MIPOL1: variants seen among roughly 807,000 people sequenced by gnomAD.
MIPOL1 encodes mirror-image polydactyly 1, also known as mirror-image polydactyly gene 1 protein.
Under a neutral mutation model 60.9 loss-of-function variants are expected in MIPOL1, and 57 were observed. That is an observed-to-expected ratio of 0.94 (90% CI 0.76 to 1.17). MIPOL1 has a LOEUF of 1.17. Among genes scored for constraint, MIPOL1 ranks in the 50% most tolerant of loss-of-function variants. MIPOL1 has a pLI of 0.00. For synonymous variants in MIPOL1, 179 were observed against 168.8 expected (o/e 1.06, Z -0.47); for missense variants, 551 against 511.6 (o/e 1.08, Z -0.74).
At chr14:37,216,378 A>G (rs930437776) in intron 1 of MIPOL1, among the ~76,000 whole-genome samples, 4 of 152,158 alleles carry the variant, frequency 2.6e-5, no homozygotes, top group Admixed American at 2.0e-4. Context: ...CATATTTTCC[A>G]GACAGAAAAT....
intron 1 of MIPOL1, among the ~76,000 whole-genome samples, chr14:37,216,299 T>G (rs960908331): frequency 6.6e-6 from 1 of 152,012 alleles, no homozygotes; most frequent in Non-Finnish European, 1.5e-5. Flanking sequence ...ATATTAGAGA[T>G]AAAGAGAGAG....
At position 37,287,925 on chromosome 14, in the gene MIPOL1, G is replaced by A. The variant is rs1055205844; in HGVS notation, c.623+2478G>A. 5.3e-5 allele frequency among the ~76,000 whole-genome samples: 8 copies of A among 151,928 alleles called. 1 individual carries two copies. The highest frequency in any genetic ancestry group is 8.8e-5 in the Non-Finnish European group (6 of 68,006). ...ATTACAGGTGTGAGCCACCAGGCCT[G>A]GTCAGAATTTTCTCGTAAATTGTTT... On this transcript the variant is annotated intron_variant, in intron 7 of 12. Coordinates refer to ENST00000684589, the MANE Select transcript of MIPOL1 (RefSeq NM_001388067.1).
intron 11 of MIPOL1, among the ~76,000 whole-genome samples, chr14:37,432,696 TA>T (rs879434284): frequency 1.6e-3 from 233 of 149,438 alleles, no homozygotes; most frequent in African/African-American, 5.0e-3. Context: ...AATTTAGAAT[TA>T]AAAAAAAAAC....
At chr14:37,391,645 C>CA (rs1273022953) in intron 10 of MIPOL1, among the ~76,000 whole-genome samples, 51 of 152,126 alleles carry the variant, frequency 3.4e-4, no homozygotes, top group Non-Finnish European at 6.6e-4. Context: ...CCACCTGCCT[C>CA]AGCCTCCCAA....
intron 6 of MIPOL1, among the ~76,000 whole-genome samples, 170 bp downstream of exon 6, chr14:37,270,695 G>A (rs764550707): frequency 5.6e-5 from 8 of 143,094 alleles, no homozygotes; most frequent in Admixed American, 2.9e-4. Context: ...TAACATCCTG[G>A]TACTGGTATT....
At position 37,497,627 on chromosome 14, in the gene MIPOL1, G is replaced by T. The variant is rs553150019; in HGVS notation, c.1032-2281G>T. ...AGGCTGAGGCAGGAGGACTGTTTGA[G>T]CCCAGGAGTTCAAGGTCAGCCTGGA... On this transcript the variant is annotated intron_variant, in intron 11 of 12. Coordinates refer to ENST00000684589, the MANE Select transcript of MIPOL1 (RefSeq NM_001388067.1). Among the ~76,000 whole-genome samples, 93 of 152,280 alleles carry T rather than the reference G, an allele frequency of 6.1e-4. No individual in the cohort carries two copies. In the Middle Eastern group the frequency reaches 0.031, roughly 50 times the overall value.
At chr14:37,361,659 G>T (rs1325414301) in intron 9 of MIPOL1, among the ~76,000 whole-genome samples, 2 of 127,304 alleles carry the variant, frequency 1.6e-5, no homozygotes, top group Non-Finnish European at 3.1e-5. Context: ...AGTCTGAAGG[G>T]CAGTGGCTCG....
chr14:37,292,124 G>A (rs531335730), intron 7 of MIPOL1, among the ~76,000 whole-genome samples: 7 of 151,286 alleles, frequency 4.6e-5, no homozygotes, highest in Admixed American at 1.3e-4. Flanking sequence ...ACGGGGTTTC[G>A]CTGTATTAGC....
intron 7 of MIPOL1, among the ~76,000 whole-genome samples, chr14:37,307,380 A>C (rs919123318): frequency 6.6e-6 from 1 of 151,944 alleles, no homozygotes; most frequent in Non-Finnish European, 1.5e-5. Flanking sequence ...GCATTTCTTT[A>C]ATTTCTCAAC....
chr14:37,270,067 G>C (rs1408491764), intron 5 of MIPOL1, among the ~76,000 whole-genome samples: 1 of 152,062 alleles, frequency 6.6e-6, no homozygotes, highest in Admixed American at 6.6e-5. Context: ...GACCTCAGGT[G>C]ATCTGCCCAC....
At chr14:37,277,352 TAAAA>T (rs1039273620) in intron 6 of MIPOL1, 1 of 151,206 alleles carries the variant, frequency 6.6e-6, no homozygotes, top group Admixed American at 6.6e-5. Context: ...GTTTAGTAAA[TAAAA>T]ATTTTTTAAG....
At chr14:37,297,942 C>G (rs556355563) in intron 7 of MIPOL1, among the ~76,000 whole-genome samples, 1 of 151,956 alleles carries the variant, frequency 6.6e-6, no homozygotes, top group Non-Finnish European at 1.5e-5. Flanking sequence ...CTTCACAGAA[C>G]TGGAAAAAAC....
intron 1 of MIPOL1, among the ~76,000 whole-genome samples, chr14:37,202,950 T>C (rs1439461438): frequency 1.3e-5 from 2 of 152,214 alleles, no homozygotes; most frequent in African/African-American, 4.8e-5. Context: ...TTATAATTTA[T>C]TTCCAGCAAA....
intron 3 of MIPOL1, among the ~76,000 whole-genome samples, chr14:37,250,921 TGATAA>T (rs1973982661): frequency 6.6e-6 from 1 of 152,160 alleles, no homozygotes; most frequent in Non-Finnish European, 1.5e-5. Context: ...GTCAAAGAGT[TGATAA>T]GATTGATAAT....
chr14:37,203,854 C>A (rs550364113), intron 1 of MIPOL1, among the ~76,000 whole-genome samples: 2 of 152,286 alleles, frequency 1.3e-5, no homozygotes. Flanking sequence ...GCGATCTTGG[C>A]TCACTGCAAC....
chr14:37,395,864 G>T (rs1595576964), intron 10 of MIPOL1, among the ~76,000 whole-genome samples: 1 of 152,260 alleles, frequency 6.6e-6, no homozygotes, highest in African/African-American at 2.4e-5. Context: ...TCATTAGCAT[G>T]AAATGCCTTT....
chr14:37,459,180 A>G (rs1418795019), intron 11 of MIPOL1, among the ~76,000 whole-genome samples: 2 of 152,166 alleles, frequency 1.3e-5, no homozygotes, highest in African/African-American at 2.4e-5. Context: ...GAGCAGAACT[A>G]AATGACACTG....
At chr14:37,332,975 T>G (rs1641619068) in intron 9 of MIPOL1, among the ~76,000 whole-genome samples, 1 of 152,202 alleles carries the variant, frequency 6.6e-6, no homozygotes, top group African/African-American at 2.4e-5. Context: ...ATACTTGCAA[T>G]ACTTTAGCTC....
At chr14:37,375,635 C>G (rs2092756037) in intron 10 of MIPOL1, among the ~76,000 whole-genome samples, 1 of 152,078 alleles carries the variant, frequency 6.6e-6, no homozygotes. Flanking sequence ...TATGTATTAT[C>G]TTTACATCCC....
Sources: gnomAD v4.1 joint callset for allele counts (sites outside exome capture counted in the v4.1 genomes callset) on GRCh38, gnomAD v4.1.1 for gene constraint, MANE v1.5 for transcripts, NCBI Gene and HGNC (gene_info 2026-07-23, HGNC 2026-07-21) for gene names.